The following LCOR variants were observed in gnomAD, a reference collection of about 807,000 sequenced individuals.
LCOR encodes ligand dependent nuclear receptor corepressor.
LCOR carries 14 observed loss-of-function variants against 64.4 expected under a neutral mutation model. That is an observed-to-expected ratio of 0.22 (90% CI 0.14 to 0.34). LCOR has a LOEUF of 0.34. Ranked by LOEUF, LCOR falls within the 10% of genes least tolerant of loss-of-function variation. The pLI is 1.00. For synonymous variants in LCOR, 643 were observed against 642.5 expected, an observed-to-expected ratio of 1.00 and a Z score of -0.01; for missense variants, 1,686 against 1,765.3, an observed-to-expected ratio of 0.96 and a Z score of 0.80.
chr10:96,939,391 A>T (rs1471223655), intron 4 of LCOR, among the ~76,000 whole-genome samples: 1 of 152,252 alleles, frequency 6.6e-6, no homozygotes, highest in Non-Finnish European at 1.5e-5. Flanking sequence ...CCCTAAAAGT[A>T]TAAAATTCTT....
At chr10:96,976,870 C>T (rs1465874413) in intron 7 of LCOR, among the ~76,000 whole-genome samples, 2 of 152,158 alleles carry the variant, frequency 1.3e-5, no homozygotes, top group Non-Finnish European at 1.5e-5. Flanking sequence ...GAAGCGGTAC[C>T]TAGAAAATTT....
intron 7 of LCOR, among the ~76,000 whole-genome samples, chr10:96,965,850 A>G (rs929985836): frequency 1.6e-4 from 25 of 152,112 alleles, no homozygotes; most frequent in Non-Finnish European, 1.6e-4. Context: ...TGTAAGTTCC[A>G]AAGCCATAAC....
chr10:96,939,252 A>C (rs1847405419), intron 4 of LCOR, among the ~76,000 whole-genome samples: 2 of 152,266 alleles, frequency 1.3e-5, no homozygotes, highest in African/African-American at 4.8e-5. Context: ...TCGTTGGGGG[A>C]AAGAATTGTT....
At chr10:96,882,197 C>A (rs965430064) in intron 2 of LCOR, among the ~76,000 whole-genome samples, 8 of 152,046 alleles carry the variant, frequency 5.3e-5, no homozygotes, top group African/African-American at 1.9e-4. Flanking sequence ...TTGCTTTTAC[C>A]TTTTTTGCAC....
At chr10:96,893,250 A>G (rs1365183938) in intron 2 of LCOR, among the ~76,000 whole-genome samples, 1 of 152,194 alleles carries the variant, frequency 6.6e-6, no homozygotes, top group Non-Finnish European at 1.5e-5. Flanking sequence ...ATCAACACAG[A>G]GTTATAATTA....
chr10:96,956,053 G>T, intron 7 of LCOR: 1 of 1,464,384 alleles, frequency 6.8e-7, no homozygotes, highest in Non-Finnish European at 9.0e-7. Flanking sequence ...ATTGACTTGT[G>T]TGTACAGAGA....
intron 6 of LCOR, among the ~76,000 whole-genome samples, chr10:96,951,332 C>G (rs572634062): frequency 1.4e-4 from 22 of 152,260 alleles, no homozygotes; most frequent in Admixed American, 1.3e-4. Context: ...CTTCCAGGCT[C>G]TCATCAGTAT....
At chr10:96,869,862 A>G (rs921441960) in intron 2 of LCOR, among the ~76,000 whole-genome samples, 3 of 152,206 alleles carry the variant, frequency 2.0e-5, no homozygotes, top group African/African-American at 4.8e-5. Flanking sequence ...GGCATAAGCC[A>G]CTGTGCCCAC....
At chr10:96,920,159 C>T (rs1847022749) in intron 4 of LCOR, among the ~76,000 whole-genome samples, 1 of 151,412 alleles carries the variant, frequency 6.6e-6, no homozygotes, top group Non-Finnish European at 1.5e-5. Flanking sequence ...CATTTGTTTT[C>T]TTCCGTGGGT....
chr10:96,905,060 AT>A (rs776695343), intron 2 of LCOR, among the ~76,000 whole-genome samples: 10 of 152,010 alleles, frequency 6.6e-5, no homozygotes, highest in Middle Eastern at 3.4e-3. Flanking sequence ...TTATAACCAG[AT>A]TTTTTTTGTT....
chr10:96,877,843 C>T (rs1489602193), intron 2 of LCOR, among the ~76,000 whole-genome samples: 1 of 152,070 alleles, frequency 6.6e-6, no homozygotes, highest in Non-Finnish European at 1.5e-5. Context: ...GATCTCCTGA[C>T]CTCGTGATCC....
At chr10:96,963,020 A>G (rs978919402) in intron 7 of LCOR, 1 of 152,208 alleles carries the variant, frequency 6.6e-6, no homozygotes, top group Non-Finnish European at 1.5e-5. Flanking sequence ...TTTTATTTCA[A>G]CGTGCTGGTA....
chr10:96,871,335 T>C (rs1365028130), intron 2 of LCOR, among the ~76,000 whole-genome samples: 1 of 151,794 alleles, frequency 6.6e-6, no homozygotes, highest in Non-Finnish European at 1.5e-5. Context: ...GGGATTACAG[T>C]GTGAGCCACC....
Position 96,985,048 on chromosome 10 carries a change from G to T in LCOR, c.4588G>T (p.Glu1530Ter). The stretch of plus-strand genomic sequence containing the variant: ...GGCCAGACCCTCAACGAAAACCCCA[G>T]AGAGCAGTGCAGCTCAGAGAAAGCG... ...TRARPSTKTP[E>*]SSAAQRKRKL... The change falls in exon 8 of 8, where the codon GAG (glutamate) becomes TAG (stop). Residue 1530 changes from glutamate (E) to a stop codon, truncating the protein, a stop_gained. Transcript: ENST00000421806. LOFTEE classifies it high-confidence loss of function. 1 of 1,614,224 alleles carries T rather than the reference G, an allele frequency of 6.2e-7. No individual in the cohort carries two copies. The highest frequency in any genetic ancestry group is 8.5e-7 in the Non-Finnish European group (1 of 1,180,040).
chr10:96,848,509 T>A (rs1845669878), intron 2 of LCOR, among the ~76,000 whole-genome samples: 1 of 152,070 alleles, frequency 6.6e-6, no homozygotes, highest in South Asian at 2.1e-4. Context: ...AATACAAAAA[T>A]TAGCCGGTTG....
intron 4 of LCOR, among the ~76,000 whole-genome samples, chr10:96,917,819 G>A (rs1846981163): frequency 6.6e-6 from 1 of 152,128 alleles, no homozygotes; most frequent in Admixed American, 6.5e-5. Flanking sequence ...ATAAGGGAGA[G>A]GAAAGTGATA....
chr10:96,956,253 T>G lies in LCOR; in HGVS notation c.332+4057T>G, dbSNP rs1009693715. On this transcript the variant is annotated intron_variant, in intron 7 of 7. Transcript: ENST00000421806. ...TTTGTTTTTTTTTGTTGTTGTTGTT[T>G]TTTCTTAAGTTATATTTGTTTTTAC... 38 of 1,018,614 alleles carry G rather than the reference T, an allele frequency of 3.7e-5. No homozygotes were observed. The African/African-American group carries it at 4.1e-4, about 11-fold the overall frequency. The allele number at this position is 1,018,614 out of a possible 1,614,324, so 63.1% of individuals were successfully genotyped here.
At chr10:96,837,053 A>G (rs180995359) in intron 2 of LCOR, among the ~76,000 whole-genome samples, 2 of 148,330 alleles carry the variant, frequency 1.3e-5, no homozygotes, top group East Asian at 2.0e-4. Flanking sequence ...GTGCAGTGGC[A>G]CCATTTCAGC....
intron 2 of LCOR, among the ~76,000 whole-genome samples, chr10:96,841,649 C>A (rs193301102): frequency 1.1e-4 from 17 of 152,188 alleles, no homozygotes; most frequent in Non-Finnish European, 2.1e-4. Context: ...ACATGAGCCA[C>A]CGCGCCTGGC....
Sources: gnomAD v4.1 joint callset for allele counts (sites outside exome capture counted in the v4.1 genomes callset) on GRCh38, gnomAD v4.1.1 for gene constraint, MANE v1.5 for transcripts, NCBI Gene and HGNC (gene_info 2026-07-23, HGNC 2026-07-21) for gene names.